Variants in IL12RB2 observed in about 807,000 individuals in gnomAD.
The protein encoded by IL12RB2 is interleukin 12 receptor subunit beta 2.
In IL12RB2, 82 loss-of-function variants were observed where a neutral mutation model predicts 89.4. The observed-to-expected ratio is 0.92, with a 90% CI of 0.77 to 1.10. The LOEUF is 1.10. Ranked by LOEUF, IL12RB2 falls within the 50% of genes least tolerant of loss-of-function variation. The pLI, the probability that IL12RB2 is intolerant of heterozygous loss-of-function variation, is 0.00. For missense variants in IL12RB2, 963 were observed against 1,031.9 expected (o/e 0.93, Z 0.92); for synonymous variants, 368 against 370.1 (o/e 0.99, Z 0.07).
chr1:67,310,264 T>G (rs185127628), intron 1 of IL12RB2, among the ~76,000 whole-genome samples: 12 of 151,274 alleles, frequency 7.9e-5, no homozygotes, highest in Non-Finnish European at 1.5e-4. Flanking sequence ...AAGTTTCTAG[T>G]GTTCTTCGCT....
intron 16 of IL12RB2, among the ~76,000 whole-genome samples, chr1:67,393,629 G>T (rs1450189105): frequency 6.6e-6 from 1 of 152,216 alleles, no homozygotes; most frequent in African/African-American, 2.4e-5. Context: ...ACATCCTCTA[G>T]CTTGGCGGGG....
intron 16 of IL12RB2, among the ~76,000 whole-genome samples, chr1:67,392,367 A>G (rs1053961350): frequency 5.9e-5 from 9 of 152,146 alleles, no homozygotes; most frequent in Non-Finnish European, 1.0e-4. Flanking sequence ...ATAGATCTAT[A>G]TGTGCCTAAA....
chr1:67,341,116 A>G (rs1161657975), intron 9 of IL12RB2, among the ~76,000 whole-genome samples: 3 of 152,228 alleles, frequency 2.0e-5, no homozygotes. Flanking sequence ...GAAACCAAAA[A>G]GGGCAAGGCA....
chr1:67,353,629 T>G (rs1220898279), intron 10 of IL12RB2, among the ~76,000 whole-genome samples: 5 of 152,194 alleles, frequency 3.3e-5, no homozygotes, highest in Non-Finnish European at 7.4e-5. Context: ...AGGGTAAAAT[T>G]TAAAAAATAT....
At chr1:67,319,028 A>C (rs1656151364) in intron 2 of IL12RB2, among the ~76,000 whole-genome samples, 2 of 152,232 alleles carry the variant, frequency 1.3e-5, no homozygotes, top group Admixed American at 1.3e-4. Context: ...GGTAGAGGAA[A>C]CAAAGGGCGC....
At chr1:67,322,032 G>A (rs2201584) in intron 4 of IL12RB2, 143 bp downstream of exon 4, 123,528 of 744,366 alleles carry the variant, frequency 0.17, 11,567 homozygotes, top group East Asian at 0.33. Context: ...TCTTGATACC[G>A]ACCTGAGAGC....
Position 67,372,650 on chromosome 1 carries a change from T to A in IL12RB2, c.1584T>A (p.Asn528Lys). Residue 528 changes from asparagine to lysine, a missense_variant, in exon 13 of 17, where the codon AAT becomes AAA. Coordinates refer to ENST00000674203, the MANE Select transcript of IL12RB2 (RefSeq NM_001374259.2). ...HKAPLSGPHINAITEEKGSIL... is the reference protein window; with the variant it reads ...HKAPLSGPHIKAITEEKGSIL... Reference sequence around the variant, plus strand: ...CACCACTGAGTGGCCCCCACATTAATGCCATCACAGAGGAAAAGGGGAGCA... The same window carrying A: ...CACCACTGAGTGGCCCCCACATTAAAGCCATCACAGAGGAAAAGGGGAGCA... 6.2e-7 allele frequency: 1 copy of A among 1,613,834 alleles called. No homozygotes were observed. Among genetic ancestry groups the A allele is most frequent in the Non-Finnish European group, 8.5e-7 (1 of 1,179,710 alleles).
At position 67,395,905 on chromosome 1, in the gene IL12RB2, C is replaced by T. The variant is rs1354212098; in HGVS notation, c.2405C>T (p.Pro802Leu). The T allele has an allele frequency of 6.2e-7, 1 of 1,609,334 alleles. No homozygotes were observed. Among genetic ancestry groups the T allele is most frequent in the East Asian group, 2.2e-5 (1 of 44,836 alleles). Residue 802 changes from proline (P) to leucine (L), a missense_variant, in exon 17 of 17, where the codon CCC (proline) becomes CTC (leucine). By Grantham distance (98) the Pro-to-Leu change is moderately conservative. Coordinates refer to ENST00000674203, the MANE Select transcript of IL12RB2 (RefSeq NM_001374259.2). Reference sequence around the variant, plus strand: ...CTTCCCACCCATGATGGCTACTTACCCTCCAACATAGATGACCTCCCCTCA... The same window carrying T: ...CTTCCCACCCATGATGGCTACTTACTCTCCAACATAGATGACCTCCCCTCA... ...GDLPTHDGYL[P>L]SNIDDLPSHE...
chr1:67,330,620 C>G (rs757903806), intron 7 of IL12RB2, 40 bp from the exon 8 acceptor site: 1 of 917,506 alleles, frequency 1.1e-6, no homozygotes, highest in Non-Finnish European at 1.8e-6. Flanking sequence ...AATTAGCAAT[C>G]TAGTATTAAT....
upstream of IL12RB2, chr1:67,307,594 T>C (rs1654421887): frequency 6.6e-6 from 1 of 152,208 alleles, no homozygotes. Flanking sequence ...ATTATCTTGC[T>C]CAAGGCGACA....
Position 67,329,603 on chromosome 1 carries a change from G to A in IL12RB2, c.681G>A (p.Pro227=), listed in dbSNP as rs140336744. The change falls in exon 7 of 17, where the codon CCG becomes CCA. Residue 227 remains proline (P), a synonymous_variant. Transcript: ENST00000674203. ...GGTTACTAGTGAGGCCTCTTCCTCCGTGGGACATTAGAATCAAATTTCAAA... is the reference window on the plus strand; with the variant it reads ...GGTTACTAGTGAGGCCTCTTCCTCCATGGGACATTAGAATCAAATTTCAAA... ...TFLDIVRPLP[P]WDIRIKFQKA... 73 of 1,587,084 alleles carry A rather than the reference G, an allele frequency of 4.6e-5. No homozygotes were observed. Among genetic ancestry groups the A allele is most frequent in the Non-Finnish European group, 5.5e-5 (63 of 1,155,276 alleles).
Position 67,395,923 on chromosome 1 carries a change from T to G in IL12RB2, c.2423T>G (p.Leu808Arg), listed in dbSNP as rs17838066. 5.6e-6 allele frequency: 9 copies of G among 1,611,216 alleles called. No homozygotes were observed. The African/African-American group carries it at 1.2e-4, about 22-fold the overall frequency. The change falls in exon 17 of 17, where the codon CTC becomes CGC. Residue 808 changes from leucine to arginine, a missense_variant. Physicochemically the swap from Leu to Arg is moderately radical, Grantham distance 102. Transcript: ENST00000674203. ...DGYLPSNIDDLPSHEAPLADS... is the reference protein window; with the variant it reads ...DGYLPSNIDDRPSHEAPLADS... ...TACTTACCCTCCAACATAGATGACC[T>G]CCCCTCACATGAGGCACCTCTCGCT...
chr1:67,314,776 G>A (rs1292103389), intron 2 of IL12RB2, among the ~76,000 whole-genome samples: 3 of 152,172 alleles, frequency 2.0e-5, no homozygotes, highest in Non-Finnish European at 4.4e-5. Context: ...TGGTCAGGGA[G>A]TAATTGTTGT....
In IL12RB2 at chr1:67,310,782, T is replaced by C. The variant is rs1654943847; in HGVS notation, c.-125+2815T>C. 4.6e-5 allele frequency among the ~76,000 whole-genome samples: 7 copies of C among 152,162 alleles called. No individual in the cohort carries two copies. In the South Asian group the frequency reaches 1.5e-3, roughly 32 times the overall value. ...TTGCTGTCGCCAGGCTGGAGTGCAG[T>C]GGTGCGATCTTGGCTCACTGCAACC... On this transcript the variant is annotated intron_variant, in intron 1 of 16. Coordinates refer to ENST00000674203, the MANE Select transcript of IL12RB2 (RefSeq NM_001374259.2).
intron 1 of IL12RB2, among the ~76,000 whole-genome samples, chr1:67,309,389 C>T (rs972288923): frequency 1.3e-5 from 2 of 152,160 alleles, no homozygotes; most frequent in African/African-American, 2.4e-5. Flanking sequence ...ACCACCTCCA[C>T]TTGAACAAAC....
At chr1:67,354,296 A>G (rs947398110) in intron 10 of IL12RB2, among the ~76,000 whole-genome samples, 4 of 152,100 alleles carry the variant, frequency 2.6e-5, no homozygotes, top group Non-Finnish European at 1.5e-5. Context: ...TTAAAGTGAG[A>G]GCTGAGCAGG....
At chr1:67,372,063 G>GGTGT (rs1663405569) in intron 11 of IL12RB2, among the ~76,000 whole-genome samples, 2 of 84,648 alleles carry the variant, frequency 2.4e-5, no homozygotes, top group South Asian at 9.4e-4. Flanking sequence ...AAGCAGTCTG[G>GGTGT]GTGCGTGTGT....
At chr1:67,356,649 T>C (rs1190374648) in intron 10 of IL12RB2, among the ~76,000 whole-genome samples, 1 of 152,190 alleles carries the variant, frequency 6.6e-6, no homozygotes, top group Non-Finnish European at 1.5e-5. Flanking sequence ...GCAGGGTCTC[T>C]GGCCTGGAGC....
At chr1:67,362,362 C>T (rs544954999) in intron 10 of IL12RB2, among the ~76,000 whole-genome samples, 3 of 149,624 alleles carry the variant, frequency 2.0e-5, no homozygotes, top group African/African-American at 7.4e-5. Flanking sequence ...GTCAGGAGAT[C>T]GAGACCATCC....
Sources: allele counts gnomAD v4.1 joint callset (sites outside exome capture counted in the v4.1 genomes callset), GRCh38; gene constraint gnomAD v4.1.1; transcripts MANE v1.5; gene names NCBI Gene and HGNC (gene_info 2026-07-23, HGNC 2026-07-21).